Variants in COL11A1 observed in about 807,000 individuals in gnomAD.
The protein encoded by COL11A1 is collagen alpha-1(XI) chain.
In COL11A1, 74 loss-of-function variants were observed where a neutral mutation model predicts 265.2. The observed-to-expected ratio is 0.28, with a 90% CI of 0.23 to 0.34. The LOEUF is 0.34. COL11A1 is among the 10% of genes least tolerant of loss of function. The probability of loss-of-function intolerance (pLI) is 1.00; values close to 1 mark genes in which losing one functional copy is unlikely to be tolerated. For missense variants in COL11A1, 2,165 were observed against 2,263.6 expected, an observed-to-expected ratio of 0.96 and a Z score of 0.88; for synonymous variants, 816 against 727.6, an observed-to-expected ratio of 1.12 and a Z score of -1.96.
intron 28 of COL11A1, among the ~76,000 whole-genome samples, chr1:102,994,990 G>C (rs1664485902): frequency 6.6e-6 from 1 of 152,008 alleles, no homozygotes; most frequent in South Asian, 2.1e-4. Context: ...CAAACAACCA[G>C]ATCTTGTTAA....
Position 103,005,852 on chromosome 1 carries a change from C to A in COL11A1, c.1831G>T (p.Asp611Tyr). ...ATGTATCTTACCCTGTGACCTTTGTCACCTGGCAGACCCGGAAGTCCATCA... is the reference window on the plus strand; with the variant it reads ...ATGTATCTTACCCTGTGACCTTTGTAACCTGGCAGACCCGGAAGTCCATCA... Reference protein sequence around the residue: ...GFDGLPGLPGDKGHRGERGPQ... With the variant: ...GFDGLPGLPGYKGHRGERGPQ... The change falls in exon 18 of 67, where the codon GAC becomes TAC. Residue 611 changes from aspartate (D) to tyrosine (Y), a missense_variant. Transcript: ENST00000370096. 6.2e-7 allele frequency: 1 copy of A among 1,614,078 alleles called. No individual in the cohort carries two copies. The highest frequency in any genetic ancestry group is 8.5e-7 in the Non-Finnish European group (1 of 1,180,002).
At chr1:103,095,353 T>A (rs537500423) in intron 1 of COL11A1, among the ~76,000 whole-genome samples, 1 of 151,940 alleles carries the variant, frequency 6.6e-6, no homozygotes, top group Non-Finnish European at 1.5e-5. Flanking sequence ...AAATATTTGA[T>A]TAGTACTAAG....
chr1:103,049,720 T>C (rs1159078358), intron 4 of COL11A1, among the ~76,000 whole-genome samples: 2 of 152,224 alleles, frequency 1.3e-5, no homozygotes, highest in Non-Finnish European at 2.9e-5. Flanking sequence ...TTTGGCATGT[T>C]TTTGCAGTGG....
chr1:103,044,022 G>C (rs1297302197), intron 4 of COL11A1, among the ~76,000 whole-genome samples: 5 of 152,050 alleles, frequency 3.3e-5, no homozygotes, highest in African/African-American at 1.2e-4. Flanking sequence ...CAGAGTTTTT[G>C]ATTGCATATA....
chr1:102,881,425 T>A (rs773680817), intron 65 of COL11A1, among the ~76,000 whole-genome samples: 29 of 152,296 alleles, frequency 1.9e-4, no homozygotes, highest in Non-Finnish European at 2.8e-4. Flanking sequence ...ATTTTTATGA[T>A]GTCTATCTCA....
At chr1:102,946,803 T>G in intron 42 of COL11A1, 46 bp downstream of exon 42, 1 of 1,413,686 alleles carries the variant, frequency 7.1e-7, no homozygotes, top group East Asian at 2.3e-5. Flanking sequence ...AGTAATAACG[T>G]GTACAGGGTA....
chr1:102,895,834 G>GTTA (rs1025915844), intron 57 of COL11A1, among the ~76,000 whole-genome samples: 7 of 149,916 alleles, frequency 4.7e-5, no homozygotes, highest in Non-Finnish European at 8.9e-5. Context: ...TACTTAACAT[G>GTTA]TTAACACTCT....
intron 65 of COL11A1, 36 bp downstream of exon 65, chr1:102,881,661 C>T (rs367674589): frequency 5.9e-5 from 88 of 1,493,332 alleles, no homozygotes; most frequent in Admixed American, 8.4e-5. Flanking sequence ...TTCTTGAGTT[C>T]GTGAAAAATC....
At chr1:103,035,984 T>C (rs1371521635) in intron 4 of COL11A1, among the ~76,000 whole-genome samples, 1 of 151,810 alleles carries the variant, frequency 6.6e-6, no homozygotes, top group Non-Finnish European at 1.5e-5. Context: ...CATACCTGAA[T>C]TGTTATAAAT....
intron 37 of COL11A1, among the ~76,000 whole-genome samples, chr1:102,968,206 GT>G (rs1661630276): frequency 6.6e-6 from 1 of 152,196 alleles, no homozygotes; most frequent in Non-Finnish European, 1.5e-5. Flanking sequence ...GTCAAATTAT[GT>G]TTTTCAAAGT....
chr1:102,924,236 T>A (rs1350905987), intron 46 of COL11A1, among the ~76,000 whole-genome samples: 1 of 151,944 alleles, frequency 6.6e-6, no homozygotes, highest in Non-Finnish European at 1.5e-5. Context: ...GACAAAAAAA[T>A]TCTTTCAAAT....
chr1:102,938,696 T>C (rs113001469), intron 44 of COL11A1, among the ~76,000 whole-genome samples: 1 of 152,136 alleles, frequency 6.6e-6, no homozygotes, highest in Non-Finnish European at 1.5e-5. Context: ...CCAATTTGTA[T>C]ACATGTAGAA....
rs1664575112 is a variant in COL11A1 at position 102,995,844 on chromosome 1, T to C, written c.2340+20A>G. 1.3e-6 allele frequency: 2 copies of C among 1,584,222 alleles called. No homozygotes were observed. Among genetic ancestry groups the C allele is most frequent in the African/African-American group, 1.3e-5 (1 of 74,220 alleles). On this transcript the variant is annotated intron_variant, in intron 28 of 66. Transcript: ENST00000370096. ...ACATAATACACAGAAATTAATACCATCTAAACAATTAAATTTTACCTTTTC... is the reference window on the plus strand; with the variant it reads ...ACATAATACACAGAAATTAATACCACCTAAACAATTAAATTTTACCTTTTC...
intron 29 of COL11A1, 125 bp downstream of exon 29, chr1:102,989,393 G>A (rs1441574162): frequency 3.0e-5 from 15 of 506,166 alleles, no homozygotes; most frequent in Non-Finnish European, 4.7e-5. Flanking sequence ...ACTTAAATGA[G>A]TAAAGACTTA....
At chr1:103,055,106 C>A (rs1670139409) in intron 4 of COL11A1, among the ~76,000 whole-genome samples, 1 of 152,084 alleles carries the variant, frequency 6.6e-6, no homozygotes, top group East Asian at 1.9e-4. Flanking sequence ...ATTTCCAAAA[C>A]CAAAATTCAA....
At chr1:102,937,748 C>T (rs1658295439) in intron 44 of COL11A1, among the ~76,000 whole-genome samples, 1 of 152,180 alleles carries the variant, frequency 6.6e-6, no homozygotes, top group African/African-American at 2.4e-5. Context: ...CAGATGCCAG[C>T]CCCAGGCTTC....
intron 28 of COL11A1, among the ~76,000 whole-genome samples, chr1:102,991,794 C>T (rs1404623654): frequency 1.3e-5 from 2 of 151,376 alleles, no homozygotes. Flanking sequence ...GAGATTCAAA[C>T]TGTTATCTTG....
intron 12 of COL11A1, 82 bp from the exon 13 acceptor site, chr1:103,014,676 C>G: frequency 8.7e-7 from 1 of 1,146,430 alleles, no homozygotes; most frequent in Non-Finnish European, 1.3e-6. Flanking sequence ...TAGATAAAAA[C>G]CACTTATTAA....
chr1:103,086,796 G>A (rs547447121), intron 1 of COL11A1, among the ~76,000 whole-genome samples: 2 of 137,914 alleles, frequency 1.5e-5, no homozygotes, highest in African/African-American at 5.0e-5. Context: ...TATAATAAAG[G>A]TATCAACCAA....
Sources: allele counts gnomAD v4.1 joint callset (sites outside exome capture counted in the v4.1 genomes callset), GRCh38; gene constraint gnomAD v4.1.1; transcripts MANE v1.5; gene names NCBI Gene and HGNC (gene_info 2026-07-23, HGNC 2026-07-21).